The following EPAS1 variants were observed in gnomAD, a reference collection of about 807,000 sequenced individuals.
The protein encoded by EPAS1 is endothelial PAS domain-containing protein 1.
In EPAS1, 23 loss-of-function variants were observed where a neutral mutation model predicts 87.9. The ratio of observed to expected loss-of-function variants is 0.26; its 90% CI spans 0.19 to 0.37. EPAS1 has a LOEUF of 0.37. EPAS1 is among the 10% of genes least tolerant of loss of function. The probability of loss-of-function intolerance (pLI) is 1.00; values close to 1 mark genes in which losing one functional copy is unlikely to be tolerated. For missense variants in EPAS1, 1,138 were observed against 1,120.7 expected, an observed-to-expected ratio of 1.02 and a Z score of -0.22; for synonymous variants, 508 against 444.3, an observed-to-expected ratio of 1.14 and a Z score of -1.80.
At position 46,345,564 on chromosome 2, in the gene EPAS1, C is replaced by A. The variant is rs116613875; in HGVS notation, c.27-1309C>A. Reference sequence around the variant, plus strand: ...TTACTTGGCCTCTATGGGGCAGTTTCCTCATATGTAAATTAGGTATAATAA... The same window carrying A: ...TTACTTGGCCTCTATGGGGCAGTTTACTCATATGTAAATTAGGTATAATAA... On this transcript the variant is annotated intron_variant, in intron 1 of 15. Coordinates refer to ENST00000263734, the MANE Select transcript of EPAS1 (RefSeq NM_001430.5). Among the ~76,000 whole-genome samples the A allele has an allele frequency of 7.7e-3, 1,168 of 152,088 alleles. 13 individuals are homozygous for A. The highest frequency in any genetic ancestry group is 0.026 in the African/African-American group (1,087 of 41,462).
chr2:46,318,170 G>GGA (rs896466748), intron 1 of EPAS1, among the ~76,000 whole-genome samples: 1 of 101,008 alleles, frequency 9.9e-6, no homozygotes, highest in Non-Finnish European at 2.0e-5. Flanking sequence ...TTGGGGAGGG[G>GGA]GAGAGAGAGA....
chr2:46,313,277 C>T (rs1432705987), intron 1 of EPAS1, among the ~76,000 whole-genome samples: 4 of 152,160 alleles, frequency 2.6e-5, no homozygotes, highest in African/African-American at 9.7e-5. Flanking sequence ...AATGCCTAAG[C>T]TTGCTCATCC....
chr2:46,304,388 C>G (rs1683068712), intron 1 of EPAS1, among the ~76,000 whole-genome samples: 1 of 152,174 alleles, frequency 6.6e-6, no homozygotes, highest in South Asian at 2.1e-4. Context: ...TCTATACTCT[C>G]AATGGGTGTT....
intron 7 of EPAS1, among the ~76,000 whole-genome samples, chr2:46,374,416 T>C: frequency 6.6e-6 from 1 of 152,308 alleles, no homozygotes; most frequent in East Asian, 1.9e-4. Flanking sequence ...TATACAAAAT[T>C]TGTTGGTGAC....
rs187643639 is a variant in EPAS1 at position 46,313,626 on chromosome 2, A to G, written c.26+15689A>G. Among the ~76,000 whole-genome samples, 463 of 152,024 alleles carry G rather than the reference A, an allele frequency of 3.0e-3. 5 individuals are homozygous for G. The highest frequency in any genetic ancestry group is 0.011 in the African/African-American group (443 of 41,466). ...ACCACCATGCCAGGCTAATATTTGT[A>G]TTTTTAGTAGAGATGGGGTTTCACC... is the stretch of plus-strand genomic sequence containing the variant. On this transcript the variant is annotated intron_variant, in intron 1 of 15. Coordinates refer to ENST00000263734, the MANE Select transcript of EPAS1 (RefSeq NM_001430.5).
intron 1 of EPAS1, among the ~76,000 whole-genome samples, chr2:46,333,965 T>A (rs1683737784): frequency 1.3e-5 from 2 of 152,230 alleles, no homozygotes; most frequent in Admixed American, 6.5e-5. Flanking sequence ...AGTTTGTTTT[T>A]CATCCCATGG....
intron 1 of EPAS1, among the ~76,000 whole-genome samples, chr2:46,330,317 C>G (rs938945304): frequency 1.3e-5 from 2 of 152,196 alleles, no homozygotes; most frequent in African/African-American, 4.8e-5. Flanking sequence ...CTTCATAGCA[C>G]AGGCTGTCTT....
intron 4 of EPAS1, among the ~76,000 whole-genome samples, chr2:46,357,870 T>C (rs1163562706): frequency 2.6e-5 from 4 of 152,222 alleles, no homozygotes; most frequent in African/African-American, 9.6e-5. Flanking sequence ...TCCTGTCTTG[T>C]AACTGTGGCC....
chr2:46,356,983 C>T (rs1684283485), intron 4 of EPAS1, among the ~76,000 whole-genome samples, 175 bp downstream of exon 4: 1 of 152,074 alleles, frequency 6.6e-6, no homozygotes, highest in Non-Finnish European at 1.5e-5. Flanking sequence ...TGAGAGGATC[C>T]AGTACTCAGA....
At chr2:46,381,482 C>A in intron 12 of EPAS1, 114 bp from the exon 13 acceptor site, 1 of 1,561,682 alleles carries the variant, frequency 6.4e-7, no homozygotes, top group Non-Finnish European at 8.8e-7. Context: ...CCTTTTGGGT[C>A]TTTGAGTCAT....
At chr2:46,382,207 T>G in intron 14 of EPAS1, 118 bp downstream of exon 14, 9 of 1,112,366 alleles carry the variant, frequency 8.1e-6, no homozygotes, top group Non-Finnish European at 1.2e-5. Flanking sequence ...TGAGCCTTGT[T>G]AGAATGGGGC....
At chr2:46,334,414 A>C (rs1414814358) in intron 1 of EPAS1, among the ~76,000 whole-genome samples, 1 of 152,120 alleles carries the variant, frequency 6.6e-6, no homozygotes, top group Non-Finnish European at 1.5e-5. Context: ...TCTCCCGACC[A>C]CTGGCACCTC....
At chr2:46,335,575 C>G in intron 1 of EPAS1, 1 of 152,248 alleles carries the variant, frequency 6.6e-6, no homozygotes, top group East Asian at 1.9e-4. Context: ...ACCCAGCCCC[C>G]TTCTTGGTTG....
intron 2 of EPAS1, among the ~76,000 whole-genome samples, chr2:46,352,591 C>T (rs1562451): frequency 0.25 from 37,514 of 152,152 alleles, 5,464 homozygotes; most frequent in East Asian, 0.67. Flanking sequence ...TGAGCCTCCA[C>T]GGTGAGGGGC....
rs549129582 is a variant in EPAS1, at chr2:46,344,555, C to A, written c.27-2318C>A. ...CATCTTCCTTTCCTGTGCCAGAATACTTGCAATTCTTTAACTTTTTCTCCA... is the reference window on the plus strand; with the variant it reads ...CATCTTCCTTTCCTGTGCCAGAATAATTGCAATTCTTTAACTTTTTCTCCA... On this transcript the variant is annotated intron_variant, in intron 1 of 15. Transcript: ENST00000263734. Among the ~76,000 whole-genome samples the A allele has an allele frequency of 3.3e-5, 5 of 152,294 alleles. No homozygotes were observed. The South Asian group carries it at 1.0e-3, about 32-fold the overall frequency.
At chr2:46,327,975 G>C (rs552688152) in intron 1 of EPAS1, among the ~76,000 whole-genome samples, 7 of 152,256 alleles carry the variant, frequency 4.6e-5, no homozygotes, top group Admixed American at 6.5e-5. Context: ...CTACCTCCGG[G>C]GGGGCTACAC....
rs186487952 is a variant in EPAS1, at chr2:46,331,854, G to A, written c.27-15019G>A. Among the ~76,000 whole-genome samples the A allele has an allele frequency of 1.2e-4, 19 of 152,280 alleles. No individual in the cohort carries two copies. In the East Asian group the frequency reaches 2.9e-3, roughly 23 times the overall value. On this transcript the variant is annotated intron_variant, in intron 1 of 15. Transcript: ENST00000263734. Reference sequence around the variant, plus strand: ...TCTAAATCGTTTAATCAGACACGGCGCTGCCTCTGAGGCTTCAGGACTTTC... The same window carrying A: ...TCTAAATCGTTTAATCAGACACGGCACTGCCTCTGAGGCTTCAGGACTTTC...
intron 1 of EPAS1, among the ~76,000 whole-genome samples, chr2:46,334,260 C>G (rs993198494): frequency 2.6e-5 from 4 of 152,180 alleles, no homozygotes; most frequent in African/African-American, 9.7e-5. Flanking sequence ...GGCAATTATC[C>G]GGGCATCTGA....
chr2:46,380,162 T>C lies in EPAS1; in HGVS notation c.1555-65T>C. Reference sequence around the variant, plus strand: ...GATGAATGGCTCTGCAGGAGCTGAGTTGGAATAGTGTTTGTGAGGTCGTAC... The same window carrying C: ...GATGAATGGCTCTGCAGGAGCTGAGCTGGAATAGTGTTTGTGAGGTCGTAC... On this transcript the variant is annotated intron_variant, in intron 11 of 15. Coordinates refer to ENST00000263734, the MANE Select transcript of EPAS1 (RefSeq NM_001430.5). The surrounding 1 kb of genome is among the most constrained non-coding windows in gnomAD (Gnocchi z 4.4). The C allele has an allele frequency of 1.9e-6, 3 of 1,599,412 alleles. No individual in the cohort carries two copies. The highest frequency in any genetic ancestry group is 2.5e-6 in the Non-Finnish European group (3 of 1,179,656).
Sources: gnomAD v4.1 joint callset for allele counts (sites outside exome capture counted in the v4.1 genomes callset) on GRCh38, gnomAD v4.1.1 for gene constraint, Gnocchi (gnomAD v3.1) non-coding constraint, MANE v1.5 for transcripts, NCBI Gene and HGNC (gene_info 2026-07-23, HGNC 2026-07-21) for gene names.